The following MLH3 variants were observed in gnomAD, a reference collection of about 807,000 sequenced individuals.
MLH3 encodes the protein mutL homolog 3.
MLH3 carries 82 observed loss-of-function variants against 122.2 expected under a neutral mutation model. The observed-to-expected ratio is 0.67, with a 90% CI of 0.56 to 0.81. MLH3 has a LOEUF of 0.81. MLH3 is among the 30% of genes least tolerant of loss of function. The probability of loss-of-function intolerance (pLI) is 0.00; values close to 1 mark genes in which losing one functional copy is unlikely to be tolerated. For missense variants in MLH3, 1,539 were observed against 1,714.5 expected, an observed-to-expected ratio of 0.90 and a Z score of 1.81; for synonymous variants, 524 against 599.5, an observed-to-expected ratio of 0.87 and a Z score of 1.84.
chr14:75,047,535 A>G lies in MLH3; in HGVS notation c.2121T>C (p.Asp707=). The change falls in exon 2 of 13, where the codon GAT becomes GAC. Residue 707 remains aspartate, a synonymous_variant. Coordinates refer to ENST00000355774, the MANE Select transcript of MLH3 (RefSeq NM_001040108.2). ...FQEGSKKSQT[D]CILSDTSPSF... ...AGGGGGATGTATCAGATAATATGCAATCTGTTTGTGATTTTTTGCTACCTT... is the reference window on the plus strand; with the variant it reads ...AGGGGGATGTATCAGATAATATGCAGTCTGTTTGTGATTTTTTGCTACCTT... 1.2e-6 allele frequency: 2 copies of G among 1,614,000 alleles called. No homozygotes were observed. The highest frequency in any genetic ancestry group is 1.7e-6 in the Non-Finnish European group (2 of 1,179,988).
intron 6 of MLH3, among the ~76,000 whole-genome samples, chr14:75,034,540 C>A (rs552550748): frequency 1.8e-4 from 28 of 152,264 alleles, no homozygotes; most frequent in African/African-American, 6.5e-4. Flanking sequence ...TAGCTGTGTT[C>A]CAATAAAACT....
At chr14:75,051,250 C>A (rs1347799610) in intron 1 of MLH3, 130 bp downstream of exon 1, 1 of 152,320 alleles carries the variant, frequency 6.6e-6, no homozygotes, top group African/African-American at 2.4e-5. Context: ...GCCCGGCCGC[C>A]AGGCCGCCGG....
At position 75,015,933 on chromosome 14, in the gene MLH3, CA is replaced by C. The variant is rs1406854061; in HGVS notation, c.*1148del. The C allele has an allele frequency of 1.3e-5, 3 of 231,352 alleles. No homozygotes were observed. Among genetic ancestry groups the C allele is most frequent in the African/African-American group, 6.6e-5 (3 of 45,212 alleles). The allele number at this position is 231,352 out of a possible 1,614,324, so 14.3% of individuals were successfully genotyped here. Reference sequence around the variant, plus strand: ...CTTTGAGCAGGCTGGTCAGGAAATACAAAAGTAGAAATTCTCATTGCATCAT... The same window carrying C: ...CTTTGAGCAGGCTGGTCAGGAAATACAAAGTAGAAATTCTCATTGCATCAT... On this transcript the variant is annotated 3_prime_UTR_variant, in exon 13 of 13. Transcript: ENST00000355774.
intron 5 of MLH3, 40 bp downstream of exon 5, chr14:75,039,871 A>G: frequency 3.1e-6 from 1 of 324,396 alleles, no homozygotes; most frequent in Non-Finnish European, 5.6e-6. Context: ...ATATATATAT[A>G]TATATATATA....
chr14:75,040,789 C>A (rs1196272848), intron 4 of MLH3, among the ~76,000 whole-genome samples: 1 of 152,132 alleles, frequency 6.6e-6, no homozygotes, highest in African/African-American at 2.4e-5. Flanking sequence ...ATTTCATTAT[C>A]ACCACCCTGA....
chr14:75,032,198 A>G lies in MLH3; in HGVS notation c.3716-19T>C. The stretch of plus-strand genomic sequence containing the variant: ...TAGGAATCTATTGGCAGAAAGATGA[A>G]TGGGTTAAGAGTAGGAAGGGAAGTC... On this transcript the variant is annotated intron_variant, in intron 7 of 12. Transcript: ENST00000355774. 6.9e-7 allele frequency: 1 copy of G among 1,450,082 alleles called. No homozygotes were observed. The highest frequency in any genetic ancestry group is 9.7e-7 in the Non-Finnish European group (1 of 1,030,338). 89.8% of individuals were successfully genotyped at this position (1,450,082 alleles called of 1,614,324 possible).
rs774010757 is a variant in MLH3, at chr14:75,048,915, CTTG to C, written c.738_740del (p.Asn246del). 1.0e-4 allele frequency: 168 copies of C among 1,613,498 alleles called. No homozygotes were observed. Among genetic ancestry groups the C allele is most frequent in the Non-Finnish European group, 1.3e-4 (155 of 1,179,718 alleles). On this transcript the variant is annotated inframe_deletion, in exon 2 of 13. Coordinates refer to ENST00000355774, the MANE Select transcript of MLH3 (RefSeq NM_001040108.2). ...TGTTCACAAACAAAAACTGCATATT[CTTG>C]TTGTAATGTGCTTCAGAGCTGATAT...
rs372192067 is a variant in MLH3 at position 75,048,776 on chromosome 14, G to C, written c.880C>G (p.Leu294Val). 10 of 1,614,070 alleles carry C rather than the reference G, an allele frequency of 6.2e-6. No individual in the cohort carries two copies. Among genetic ancestry groups the C allele is most frequent in the Non-Finnish European group, 8.5e-6 (10 of 1,179,992 alleles). ...GPTSRQMNSS[L>V]RHRSTPELYG... ...AGTTCTGGGGTAGACCGGTGCCGAA[G>C]ACTTGAATTCATTTGCCTACTGGTG... is the stretch of plus-strand genomic sequence containing the variant. Residue 294 changes from leucine to valine, a missense_variant, in exon 2 of 13, where the codon CTT becomes GTT. Physicochemically the swap from Leu to Val is conservative, Grantham distance 32. Coordinates refer to ENST00000355774, the MANE Select transcript of MLH3 (RefSeq NM_001040108.2).
At chr14:75,043,807 T>A (rs527482356) in intron 2 of MLH3, among the ~76,000 whole-genome samples, 1 of 152,316 alleles carries the variant, frequency 6.6e-6, no homozygotes, top group South Asian at 2.1e-4. Flanking sequence ...TTAAAATGTA[T>A]CTTTTAGGCT....
At chr14:75,022,787 T>C (rs1201177588) in intron 11 of MLH3, 27 bp downstream of exon 11, 2 of 1,607,232 alleles carry the variant, frequency 1.2e-6, no homozygotes, top group Non-Finnish European at 1.7e-6. Context: ...CAGAGGTGTT[T>C]GATCACTGCT....
At chr14:75,018,490 G>A (rs1890048303) in intron 12 of MLH3, among the ~76,000 whole-genome samples, 1 of 152,184 alleles carries the variant, frequency 6.6e-6, no homozygotes. Flanking sequence ...TGAATTTGCT[G>A]TGCTTCTACC....
At chr14:75,043,241 T>C (rs996681929) in intron 2 of MLH3, among the ~76,000 whole-genome samples, 1 of 152,266 alleles carries the variant, frequency 6.6e-6, no homozygotes, top group Non-Finnish European at 1.5e-5. Context: ...GCAGTACTTG[T>C]CAGCCATAAC....
rs535040739 is a variant in MLH3 at position 75,045,797 on chromosome 14, C to A, written c.3280+579G>T. ...CTTTTGTTGTTGCTCTAGGTATATA[C>A]CCATCACCCCCTTTCTTACACATAC... On this transcript the variant is annotated intron_variant, in intron 2 of 12. Coordinates refer to ENST00000355774, the MANE Select transcript of MLH3 (RefSeq NM_001040108.2). Among the ~76,000 whole-genome samples the A allele has an allele frequency of 1.8e-4, 28 of 152,124 alleles. No homozygotes were observed. In the South Asian group the frequency reaches 4.6e-3, roughly 25 times the overall value.
chr14:75,041,402 C>T (rs1007036738), intron 4 of MLH3, among the ~76,000 whole-genome samples: 9 of 151,754 alleles, frequency 5.9e-5, no homozygotes, highest in Non-Finnish European at 1.2e-4. Context: ...ATACAAAATT[C>T]GCTGGGCGTG....
intron 3 of MLH3, among the ~76,000 whole-genome samples, chr14:75,042,014 T>C (rs1171415681): frequency 6.6e-6 from 1 of 152,270 alleles, no homozygotes; most frequent in African/African-American, 2.4e-5. Context: ...ATACCTTATC[T>C]ATTTTTAAAC....
Position 75,051,061 on chromosome 14 carries a change from TA to T in MLH3, c.-64+318del, listed in dbSNP as rs576858471. ...CGTTTAACAAGTATTCCGATTAATG[TA>T]AACCCAATGATTTCCTGATGACGCC... On this transcript the variant is annotated intron_variant, in intron 1 of 12. Transcript: ENST00000355774. 691 of 152,430 alleles carry T rather than the reference TA, an allele frequency of 4.5e-3. 1 individual carries two copies. Among genetic ancestry groups the T allele is most frequent in the Middle Eastern group, 0.01 (3 of 298 alleles). 9.4% of individuals were successfully genotyped at this position (152,430 alleles called of 1,614,324 possible). A position where few individuals can be genotyped will look rare whatever the true frequency, so the allele number is the denominator to read the frequency against.
Position 75,033,451 on chromosome 14 carries a change from T to C in MLH3, c.3683A>G (p.His1228Arg). 6.2e-7 allele frequency: 1 copy of C among 1,614,154 alleles called. No homozygotes were observed. Among genetic ancestry groups the C allele is most frequent in the Admixed American group, 1.7e-5 (1 of 60,020 alleles). ...LLVLVDQHAA[H>R]ERIRLEQLII... ...AAGCTGCTCCAGACGTATACGCTCA[T>C]GGGCAGCGTGCTGATCCACCAGCAC... The change falls in exon 7 of 13, where the codon CAT (histidine) becomes CGT (arginine). Residue 1228 changes from histidine to arginine, a missense_variant. By Grantham distance (29) the His-to-Arg change is conservative. Transcript: ENST00000355774.
At chr14:75,019,396 C>A (rs942360759) in intron 11 of MLH3, among the ~76,000 whole-genome samples, 1 of 108,932 alleles carries the variant, frequency 9.2e-6, no homozygotes, top group Non-Finnish European at 1.7e-5. Flanking sequence ...GGCAACAAAG[C>A]GAGACTCCGT....
At position 75,049,169 on chromosome 14, in the gene MLH3, C is replaced by T. The variant is rs1191433372; in HGVS notation, c.487G>A (p.Asp163Asn). Residue 163 changes from aspartate to asparagine, a missense_variant, in exon 2 of 13, where the codon GAC becomes AAC. Asp to Asn is a conservative substitution (Grantham distance 23). Coordinates refer to ENST00000355774, the MANE Select transcript of MLH3 (RefSeq NM_001040108.2). ...YQLPVRRKCM[D>N]PRLEFEKVRQ... ...ACCTTCTCAAACTCCAGTCTAGGGT[C>T]CATGCATTTCCTCCTTACAGGAAGC... 3 of 1,614,070 alleles carry T rather than the reference C, an allele frequency of 1.9e-6. No homozygotes were observed. In the African/African-American group the frequency reaches 4.0e-5, roughly 22 times the overall value.
Sources: allele counts gnomAD v4.1 joint callset (sites outside exome capture counted in the v4.1 genomes callset), GRCh38; gene constraint gnomAD v4.1.1; transcripts MANE v1.5; gene names NCBI Gene and HGNC (gene_info 2026-07-23, HGNC 2026-07-21).